Variants in ZFAND3 observed in about 807,000 individuals in gnomAD.
ZFAND3 encodes the protein zinc finger AN1-type containing 3, also known as AN1-type zinc finger protein 3.
In ZFAND3, 10 loss-of-function variants were observed where a neutral mutation model predicts 29.6. The ratio of observed to expected loss-of-function variants is 0.34; its 90% confidence interval spans 0.21 to 0.57. The LOEUF (loss-of-function observed/expected upper bound fraction) is 0.57, where lower values mean the gene tolerates loss of function less well. Among genes scored for constraint, ZFAND3 ranks in the 20% least tolerant of loss-of-function variants. The pLI is 0.86. For synonymous variants in ZFAND3, 128 were observed against 112.6 expected, an observed-to-expected ratio of 1.14 and a Z score of -0.87; for missense variants, 230 against 304.5, an observed-to-expected ratio of 0.76 and a Z score of 1.82.
intron 2 of ZFAND3, among the ~76,000 whole-genome samples, chr6:38,022,610 G>A (rs565340447): frequency 6.6e-6 from 1 of 152,278 alleles, no homozygotes; most frequent in East Asian, 1.9e-4. Context: ...TTTCAAATGA[G>A]GAAATAGGCC....
At chr6:38,041,412 ATTAG>A (rs1358135499) in intron 2 of ZFAND3, among the ~76,000 whole-genome samples, 1 of 151,826 alleles carries the variant, frequency 6.6e-6, no homozygotes, top group Non-Finnish European at 1.5e-5. Context: ...TTCTGTGTTT[ATTAG>A]TTTGCTTTCC....
chr6:38,085,152 G>A (rs1191383777), intron 4 of ZFAND3, among the ~76,000 whole-genome samples: 2 of 152,144 alleles, frequency 1.3e-5, no homozygotes, highest in Non-Finnish European at 2.9e-5. Flanking sequence ...GTTCTTTGTA[G>A]CCTTTATGTC....
chr6:38,054,878 G>T (rs1029859468), intron 2 of ZFAND3, among the ~76,000 whole-genome samples: 6 of 152,166 alleles, frequency 3.9e-5, no homozygotes, highest in African/African-American at 1.4e-4. Flanking sequence ...TAATCAGAAG[G>T]CTAGAAGTCT....
chr6:37,955,807 G>C (rs1195783604), intron 2 of ZFAND3, among the ~76,000 whole-genome samples: 1 of 152,178 alleles, frequency 6.6e-6, no homozygotes, highest in Non-Finnish European at 1.5e-5. Context: ...CAGTAGTATG[G>C]GAATAGGAGC....
At chr6:38,043,506 T>TCCTC (rs1292039972) in intron 2 of ZFAND3, among the ~76,000 whole-genome samples, 1 of 147,842 alleles carries the variant, frequency 6.8e-6, no homozygotes, top group East Asian at 2.0e-4. Context: ...CTTCCTCCCT[T>TCCTC]CCTCCCTCCC....
chr6:37,903,407 C>T (rs1765354199), intron 1 of ZFAND3, among the ~76,000 whole-genome samples: 1 of 152,188 alleles, frequency 6.6e-6, no homozygotes, highest in Non-Finnish European at 1.5e-5. Flanking sequence ...ATCTAGATTA[C>T]CACATTGGTT....
intron 5 of ZFAND3, among the ~76,000 whole-genome samples, chr6:38,135,909 TA>T (rs746771172): frequency 2.6e-5 from 4 of 152,170 alleles, no homozygotes; most frequent in African/African-American, 7.2e-5. Flanking sequence ...GTGGAGCAGG[TA>T]TTAAGGCAGT....
chr6:38,087,294 G>A lies in ZFAND3; in HGVS notation c.361+4837G>A, dbSNP rs73419975. Among the ~76,000 whole-genome samples the A allele has an allele frequency of 1.5e-3, 230 of 152,196 alleles. 1 individual carries two copies. Among genetic ancestry groups the A allele is most frequent in the African/African-American group, 4.6e-3 (192 of 41,542 alleles). On this transcript the variant is annotated intron_variant, in intron 4 of 5. Transcript: ENST00000287218. ...ATTGGTCTGGGCAAAAATTTCTTGAGCATACCCCACAAGCACAGGCAACCA... is the reference window on the plus strand; with the variant it reads ...ATTGGTCTGGGCAAAAATTTCTTGAACATACCCCACAAGCACAGGCAACCA...
At chr6:37,848,899 G>C (rs984118933) in intron 1 of ZFAND3, among the ~76,000 whole-genome samples, 2 of 152,054 alleles carry the variant, frequency 1.3e-5, no homozygotes, top group Non-Finnish European at 2.9e-5. Flanking sequence ...AGAGCTGTCA[G>C]CTTCTCCTTT....
intron 2 of ZFAND3, among the ~76,000 whole-genome samples, chr6:37,940,392 G>A (rs1761790679): frequency 6.6e-6 from 1 of 152,160 alleles, no homozygotes; most frequent in Admixed American, 6.5e-5. Flanking sequence ...GGGATGATGA[G>A]TAAAAAGATG....
chr6:37,967,022 A>C (rs1225446610), intron 2 of ZFAND3, among the ~76,000 whole-genome samples: 1 of 152,156 alleles, frequency 6.6e-6, no homozygotes, highest in African/African-American at 2.4e-5. Context: ...CTGTTGTTAC[A>C]GGGCATACAT....
chr6:38,004,454 TCCCCTCTC>T (rs1305125747), intron 2 of ZFAND3, among the ~76,000 whole-genome samples: 2 of 146,074 alleles, frequency 1.4e-5, no homozygotes, highest in Non-Finnish European at 3.0e-5. Context: ...CTCTCCCCCT[TCCCCTCTC>T]CCCCTCTCCA....
intron 4 of ZFAND3, among the ~76,000 whole-genome samples, chr6:38,107,171 GT>G (rs765127521): frequency 6.6e-6 from 1 of 152,178 alleles, no homozygotes; most frequent in Non-Finnish European, 1.5e-5. Flanking sequence ...AGAATGACTT[GT>G]GTGGCCTGCT....
intron 1 of ZFAND3, among the ~76,000 whole-genome samples, chr6:37,865,390 A>G (rs1225712423): frequency 2.6e-5 from 4 of 152,158 alleles, no homozygotes; most frequent in Non-Finnish European, 5.9e-5. Context: ...AATATTTTCA[A>G]TCTACAGTTG....
At chr6:37,868,214 T>G (rs1301970900) in intron 1 of ZFAND3, among the ~76,000 whole-genome samples, 2 of 152,254 alleles carry the variant, frequency 1.3e-5, no homozygotes, top group African/African-American at 4.8e-5. Flanking sequence ...TTCTTTATTC[T>G]GTTAATGGGG....
At chr6:38,016,468 G>A (rs970809964) in intron 2 of ZFAND3, among the ~76,000 whole-genome samples, 2 of 152,178 alleles carry the variant, frequency 1.3e-5, no homozygotes, top group Non-Finnish European at 1.5e-5. Context: ...GAACACACTG[G>A]AGTTATATTC....
chr6:37,936,166 A>G (rs996164767), intron 2 of ZFAND3, among the ~76,000 whole-genome samples: 2 of 152,208 alleles, frequency 1.3e-5, no homozygotes, highest in Non-Finnish European at 2.9e-5. Flanking sequence ...CCTAAATAGA[A>G]GTGTGGATGG....
chr6:38,119,944 C>G lies in ZFAND3; in HGVS notation c.529+3205C>G, dbSNP rs561816666. ...ATTTTGAATACGAATTCTCCTCTGC[C>G]TCCCTGTGACTAGATAACCTTTAAA... On this transcript the variant is annotated intron_variant, in intron 5 of 5. Transcript: ENST00000287218. Among the ~76,000 whole-genome samples the G allele has an allele frequency of 2.1e-4, 32 of 152,288 alleles. No individual in the cohort carries two copies. In the South Asian group the frequency reaches 6.4e-3, roughly 31 times the overall value.
chr6:38,142,826 A>G (rs1442102312), intron 5 of ZFAND3, among the ~76,000 whole-genome samples: 3 of 152,242 alleles, frequency 2.0e-5, no homozygotes, highest in Non-Finnish European at 4.4e-5. Flanking sequence ...TGTTTGAAAG[A>G]GCAAGTCATT....
Sources: allele counts gnomAD v4.1 joint callset (sites outside exome capture counted in the v4.1 genomes callset), GRCh38; gene constraint gnomAD v4.1.1; transcripts MANE v1.5; gene names NCBI Gene and HGNC (gene_info 2026-07-23, HGNC 2026-07-21).